GPC3: variants seen among roughly 807,000 people sequenced by gnomAD.
GPC3 encodes glypican-3.
Under a neutral mutation model 34.4 loss-of-function variants are expected in GPC3, and 3 were observed. That is an observed-to-expected ratio of 0.09 (90% confidence interval 0.04 to 0.23). GPC3 has a LOEUF of 0.23. Among genes scored for constraint, GPC3 ranks in the 10% least tolerant of loss-of-function variants. The probability of loss-of-function intolerance (pLI) is 1.00; values close to 1 mark genes in which losing one functional copy is unlikely to be tolerated. For synonymous variants in GPC3, 177 were observed against 174.0 expected, an observed-to-expected ratio of 1.02 and a Z score of -0.13; for missense variants, 351 against 445.6, an observed-to-expected ratio of 0.79 and a Z score of 1.91.
At chrX:133,677,046 A>G (rs916128026) in intron 5 of GPC3, among the ~76,000 whole-genome samples, 1 of 111,633 alleles carries the variant, frequency 9.0e-6, no homozygotes, top group East Asian at 2.8e-4. Flanking sequence ...ACAGACATTG[A>G]ATTCCATTTT....
intron 7 of GPC3, among the ~76,000 whole-genome samples, chrX:133,579,686 G>A (rs1231578775): frequency 9.0e-6 from 1 of 111,192 alleles, no homozygotes; most frequent in African/African-American, 3.3e-5. Flanking sequence ...TGGGACTACA[G>A]GCTCACACTA....
rs1655195121 is a variant in GPC3, at chrX:133,834,230, A to C, written c.338-80054T>G. 2.7e-5 allele frequency among the ~76,000 whole-genome samples: 3 copies of C among 111,933 alleles called. No homozygotes were observed. The Admixed American group carries it at 2.9e-4, about 11-fold the overall frequency. On this transcript the variant is annotated intron_variant, in intron 2 of 7. Transcript: ENST00000370818. ...ATTTGTGGCAGCTGTTGTCCAAAACATGGCAGATGCAGACTGCACAAGGGT... is the reference window on the plus strand; with the variant it reads ...ATTTGTGGCAGCTGTTGTCCAAAACCTGGCAGATGCAGACTGCACAAGGGT...
chrX:133,544,574 C>G (rs2069367115), intron 7 of GPC3, among the ~76,000 whole-genome samples: 1 of 111,932 alleles, frequency 8.9e-6, no homozygotes, highest in Non-Finnish European at 1.9e-5. Context: ...ACTCTGTTTC[C>G]CAGTGCAGTG....
chrX:133,588,406 A>C (rs1265154692), intron 7 of GPC3, among the ~76,000 whole-genome samples: 2 of 111,115 alleles, frequency 1.8e-5, no homozygotes, highest in African/African-American at 6.6e-5. Flanking sequence ...AACAAACAAA[A>C]AAACCCAGGA....
intron 2 of GPC3, among the ~76,000 whole-genome samples, chrX:133,778,602 T>C (rs1308319651): frequency 2.7e-5 from 3 of 112,228 alleles, no homozygotes; most frequent in Non-Finnish European, 3.8e-5. Context: ...AAGTCTATTA[T>C]AGCATTATCA....
chrX:133,761,374 A>G (rs2071788917), intron 2 of GPC3, among the ~76,000 whole-genome samples: 1 of 112,244 alleles, frequency 8.9e-6, no homozygotes, highest in Non-Finnish European at 1.9e-5. Context: ...CATTAATTTA[A>G]CTAGAATGGA....
At chrX:133,973,979 T>G (rs2076503971) in intron 1 of GPC3, among the ~76,000 whole-genome samples, 1 of 112,419 alleles carries the variant, frequency 8.9e-6, no homozygotes, top group African/African-American at 3.2e-5. Context: ...ACAAATGTAA[T>G]GTGTGATTGT....
chrX:133,602,207 G>A (rs765964114), intron 6 of GPC3, among the ~76,000 whole-genome samples: 2 of 111,740 alleles, frequency 1.8e-5, no homozygotes, highest in Non-Finnish European at 3.8e-5. Context: ...ATATGTAGGA[G>A]CTAAAAAAAA....
intron 3 of GPC3, among the ~76,000 whole-genome samples, chrX:133,728,344 AAGG>A (rs1333286332): frequency 6.1e-5 from 1 of 16,476 alleles, no homozygotes; most frequent in Admixed American, 1.0e-3. Flanking sequence ...GAAGAATGAG[AAGG>A]AGAAGGAGAA....
intron 3 of GPC3, among the ~76,000 whole-genome samples, chrX:133,717,937 G>GA (rs2071330613): frequency 9.0e-6 from 1 of 111,291 alleles, no homozygotes; most frequent in Non-Finnish European, 1.9e-5. Context: ...ACACTAGAAG[G>GA]AGTCCTTCAG....
chrX:133,935,469 C>G (rs1399278127), intron 2 of GPC3, among the ~76,000 whole-genome samples: 1 of 110,989 alleles, frequency 9.0e-6, no homozygotes, highest in African/African-American at 3.3e-5. Context: ...GTCTTCTTCT[C>G]TCTCTGACCT....
chrX:133,884,425 A>C (rs1284692375), intron 2 of GPC3, among the ~76,000 whole-genome samples: 2 of 111,928 alleles, frequency 1.8e-5, no homozygotes, highest in African/African-American at 6.5e-5. Flanking sequence ...CCCAGTCATC[A>C]AAGCCAAGTC....
At chrX:133,974,934 T>G (rs1429793423) in intron 1 of GPC3, among the ~76,000 whole-genome samples, 2 of 111,395 alleles carry the variant, frequency 1.8e-5, no homozygotes, top group African/African-American at 3.3e-5. Context: ...ACCAAACTGA[T>G]TATTTCAGCC....
At chrX:133,702,785 C>T (rs752360462) in intron 3 of GPC3, among the ~76,000 whole-genome samples, 10 of 111,669 alleles carry the variant, frequency 9.0e-5, no homozygotes, top group African/African-American at 3.3e-4. Flanking sequence ...TGCCAATAAC[C>T]CTACTCCTCC....
chrX:133,544,375 G>A (rs1366869293), intron 7 of GPC3, among the ~76,000 whole-genome samples: 2 of 112,020 alleles, frequency 1.8e-5, no homozygotes, highest in Non-Finnish European at 3.8e-5. Context: ...TCCTTGTTAC[G>A]AGGGAAACAT....
intron 2 of GPC3, among the ~76,000 whole-genome samples, chrX:133,895,321 TC>T (rs1230500580): frequency 9.0e-6 from 1 of 111,704 alleles, no homozygotes; most frequent in African/African-American, 3.3e-5. Context: ...GTCTGCCTCC[TC>T]CCACCCTAAA....
chrX:133,610,762 A>G (rs1225076391), intron 6 of GPC3, among the ~76,000 whole-genome samples: 1 of 101,540 alleles, frequency 9.8e-6, no homozygotes. Flanking sequence ...CTAGTATGAG[A>G]AATGGAGATA....
At chrX:133,866,188 T>G (rs1171675131) in intron 2 of GPC3, among the ~76,000 whole-genome samples, 1 of 112,059 alleles carries the variant, frequency 8.9e-6, no homozygotes, top group African/African-American at 3.2e-5. Flanking sequence ...ACCTTATATA[T>G]GCAAATGCAA....
intron 2 of GPC3, among the ~76,000 whole-genome samples, chrX:133,775,116 T>C (rs370552538): frequency 1.8e-5 from 2 of 111,115 alleles, no homozygotes; most frequent in African/African-American, 6.5e-5. Flanking sequence ...TTTTTTCTCT[T>C]TTTTTTTGAA....
Sources: gnomAD v4.1 joint callset for allele counts (sites outside exome capture counted in the v4.1 genomes callset) on GRCh38, gnomAD v4.1.1 for gene constraint, MANE v1.5 for transcripts, NCBI Gene and HGNC (gene_info 2026-07-23, HGNC 2026-07-21) for gene names.